RPRD2: variants seen among roughly 807,000 people sequenced by gnomAD.
The protein encoded by RPRD2 is regulation of nuclear pre-mRNA domain-containing protein 2.
RPRD2 carries 12 observed loss-of-function variants against 104.4 expected under a neutral mutation model. The ratio of observed to expected loss-of-function variants is 0.11; its 90% CI spans 0.07 to 0.19. RPRD2 has a LOEUF of 0.19. Among genes scored for constraint, RPRD2 ranks in the 10% least tolerant of loss-of-function variants. The pLI is 1.00. For synonymous variants in RPRD2, 714 were observed against 684.9 expected, an observed-to-expected ratio of 1.04 and a Z score of -0.66; for missense variants, 1,543 against 1,790.1, an observed-to-expected ratio of 0.86 and a Z score of 2.49.
At chr1:150,368,563 A>G (rs1170021951) in intron 1 of RPRD2, among the ~76,000 whole-genome samples, 1 of 151,390 alleles carries the variant, frequency 6.6e-6, no homozygotes, top group African/African-American at 2.4e-5. Flanking sequence ...TCCCAGGTTC[A>G]AGTGATTCTC....
At chr1:150,386,451 G>T (rs1467284210) in intron 1 of RPRD2, among the ~76,000 whole-genome samples, 1 of 152,184 alleles carries the variant, frequency 6.6e-6, no homozygotes, top group African/African-American at 2.4e-5. Flanking sequence ...AGCTGGGCTT[G>T]GTGGTGCTGC....
At chr1:150,459,994 A>T (rs992659762) in intron 8 of RPRD2, 66 bp from the exon 9 acceptor site, 3 of 1,485,562 alleles carry the variant, frequency 2.0e-6, no homozygotes, top group Non-Finnish European at 1.8e-6. Context: ...AGGACATGTT[A>T]TTTCATATAG....
intron 1 of RPRD2, among the ~76,000 whole-genome samples, chr1:150,402,316 A>G (rs1334587298): frequency 6.6e-6 from 1 of 152,072 alleles, no homozygotes. Context: ...CAGCAGTTCT[A>G]CTCTTGCACA....
intron 2 of RPRD2, among the ~76,000 whole-genome samples, chr1:150,426,317 A>ATGCAAGGTTTGGAGTCAAACT (rs1665122327): frequency 6.6e-6 from 1 of 152,156 alleles, no homozygotes; most frequent in Non-Finnish European, 1.5e-5. Flanking sequence ...GAGGTTAAAA[A>ATGCAAGGTTTGGAGTCAAACT]TGCAAGGTTT....
rs1231923096 is a variant in RPRD2 at position 150,443,282 on chromosome 1, G to A, written c.566G>A (p.Arg189Gln). The A allele has an allele frequency of 2.6e-6, 4 of 1,566,568 alleles. No individual in the cohort carries two copies. Among genetic ancestry groups the A allele is most frequent in the Non-Finnish European group, 3.5e-6 (4 of 1,153,320 alleles). Reference sequence around the variant, plus strand: ...AAGTCTAAGATAGTTGCTGAATTTCGAGTAAGTTACAGAATTTGTTTAATA... The same window carrying A: ...AAGTCTAAGATAGTTGCTGAATTTCAAGTAAGTTACAGAATTTGTTTAATA... ...ALKSKIVAEF[R>Q]SQALIEELLL... The change falls in exon 5 of 11, where the codon CGA becomes CAA. Residue 189 changes from arginine (R) to glutamine (Q), a missense_variant and splice_region_variant. By Grantham distance (43) the Arg-to-Gln change is conservative. Around this residue, in one of 4 missense-constraint regions of RPRD2, gnomAD observed 572 missense variants for 787.3 expected, o/e 0.73. Coordinates refer to ENST00000369068, the MANE Select transcript of RPRD2 (RefSeq NM_015203.5).
intron 7 of RPRD2, among the ~76,000 whole-genome samples, chr1:150,449,759 G>A (rs1362306214): frequency 2.6e-5 from 4 of 152,148 alleles, no homozygotes; most frequent in South Asian, 2.1e-4. Context: ...GTCAGGGGGT[G>A]CAGAGATAGA....
intron 1 of RPRD2, 97 bp downstream of exon 1, chr1:150,365,016 G>C: frequency 7.8e-7 from 1 of 1,278,616 alleles, no homozygotes; most frequent in Middle Eastern, 2.4e-4. Flanking sequence ...CGCAGCATTT[G>C]GTTGGGGTTG....
chr1:150,387,564 G>T (rs887312563), intron 1 of RPRD2, among the ~76,000 whole-genome samples: 35 of 88,002 alleles, frequency 4.0e-4, no homozygotes, highest in Non-Finnish European at 7.4e-4. Flanking sequence ...AGTTGCAACA[G>T]ACCTTTTTTT....
At chr1:150,368,205 GTTT>G (rs10572674) in intron 1 of RPRD2, among the ~76,000 whole-genome samples, 5,128 of 112,716 alleles carry the variant, frequency 0.045, 101 homozygotes, top group East Asian at 0.11. Context: ...CTTATTTCTT[GTTT>G]TTTTTTTTTT....
At position 150,473,121 on chromosome 1, in the gene RPRD2, C is replaced by T; in HGVS notation, c.4173C>T (p.Ser1391=). 6.2e-7 allele frequency: 1 copy of T among 1,613,978 alleles called. No homozygotes were observed. The highest frequency in any genetic ancestry group is 8.5e-7 in the Non-Finnish European group (1 of 1,179,870). Residue 1391 remains serine, a synonymous_variant, in exon 11 of 11, where the codon AGC becomes AGT. Coordinates refer to ENST00000369068, the MANE Select transcript of RPRD2 (RefSeq NM_015203.5). ...ATGGAGGAGGAGGTGGGGGAGGCAG[C>T]AACAGCAGCAGTGGCCCCCCCTTGG... ...PPHGGGGGGG[S]NSSSGPPLGP...
intron 1 of RPRD2, among the ~76,000 whole-genome samples, chr1:150,386,401 G>A (rs1320881496): frequency 1.6e-4 from 25 of 152,304 alleles, no homozygotes; most frequent in Non-Finnish European, 2.6e-4. Context: ...TCTGGGCAAC[G>A]TGACAAAGCC....
chr1:150,403,630 A>G (rs1163978426), intron 1 of RPRD2, among the ~76,000 whole-genome samples: 1 of 151,688 alleles, frequency 6.6e-6, no homozygotes, highest in African/African-American at 2.4e-5. Context: ...ATTCCATTGT[A>G]TGCGTCCACA....
At chr1:150,465,453 C>T (rs1249010666) in intron 10 of RPRD2, among the ~76,000 whole-genome samples, 2 of 152,100 alleles carry the variant, frequency 1.3e-5, no homozygotes, top group Non-Finnish European at 2.9e-5. Flanking sequence ...GAGCTGACAT[C>T]TGAAGAATTA....
rs782411539 is a variant in RPRD2, at chr1:150,457,433, A to C, written c.1016A>C (p.Gln339Pro). ...CCGACTGGTTCTGAGTCTCCTTTTC[A>C]GGGAATGGGAGGTGAGGAATCCCAG... The part of the protein sequence containing the change: ...PSPTGSESPF[Q>P]GMGGEESQSP... The change falls in exon 8 of 11, where the codon CAG becomes CCG. Residue 339 changes from glutamine to proline, a missense_variant. Transcript: ENST00000369068. 2 of 1,613,880 alleles carry C rather than the reference A, an allele frequency of 1.2e-6. No homozygotes were observed. The highest frequency in any genetic ancestry group is 3.3e-5 in the Admixed American group (2 of 60,000).
At chr1:150,391,289 C>A (rs782711603) in intron 1 of RPRD2, among the ~76,000 whole-genome samples, 177 of 152,234 alleles carry the variant, frequency 1.2e-3, no homozygotes, top group Admixed American at 2.5e-3. Flanking sequence ...ACCAACAGAT[C>A]TTCACCTAAT....
Position 150,470,720 on chromosome 1 carries a change from A to T in RPRD2, c.1772A>T (p.Asn591Ile), listed in dbSNP as rs769553674. The T allele has an allele frequency of 1.2e-6, 2 of 1,613,898 alleles. No homozygotes were observed. Among genetic ancestry groups the T allele is most frequent in the Non-Finnish European group, 1.7e-6 (2 of 1,179,894 alleles). ...CAACCTTTTATTCCCAAAAGCTTCA[A>T]CTATTCTCCTAACTCATCAACTTCT... ...SAQPFIPKSF[N>I]YSPNSSTSEV... The change falls in exon 11 of 11, where the codon AAC (asparagine) becomes ATC (isoleucine). Residue 591 changes from asparagine (N) to isoleucine (I), a missense_variant. Around this residue, in one of 4 missense-constraint regions of RPRD2, gnomAD observed 572 missense variants for 787.3 expected, o/e 0.73. Coordinates refer to ENST00000369068, the MANE Select transcript of RPRD2 (RefSeq NM_015203.5).
intron 1 of RPRD2, among the ~76,000 whole-genome samples, chr1:150,380,107 G>A (rs1357115615): frequency 2.6e-5 from 4 of 151,948 alleles, no homozygotes; most frequent in Non-Finnish European, 5.9e-5. Flanking sequence ...TGCCAAAAAT[G>A]GACATAAAAA....
intron 2 of RPRD2, among the ~76,000 whole-genome samples, chr1:150,440,271 T>C (rs1260307428): frequency 2.0e-5 from 3 of 151,840 alleles, no homozygotes; most frequent in African/African-American, 7.3e-5. Flanking sequence ...CCTCCCACAA[T>C]TGGCCAGACT....
At chr1:150,390,394 G>T (rs1661974160) in intron 1 of RPRD2, among the ~76,000 whole-genome samples, 1 of 152,162 alleles carries the variant, frequency 6.6e-6, no homozygotes, top group African/African-American at 2.4e-5. Flanking sequence ...TGCTGCTCGG[G>T]AGGCAGAGGC....
Sources: gnomAD v4.1 joint callset for allele counts (sites outside exome capture counted in the v4.1 genomes callset) on GRCh38, gnomAD v4.1.1 for gene constraint, gnomAD v4.1.1 regional missense constraint, MANE v1.5 for transcripts, NCBI Gene and HGNC (gene_info 2026-07-23, HGNC 2026-07-21) for gene names.